TFAP2E: variants seen among roughly 807,000 people sequenced by gnomAD.
The protein encoded by TFAP2E is transcription factor AP-2 epsilon.
A neutral mutation model predicts 37.9 loss-of-function variants in TFAP2E; 30 were observed. The ratio of observed to expected loss-of-function variants is 0.79; its 90% confidence interval spans 0.59 to 1.07. TFAP2E has a LOEUF of 1.07. Ranked by LOEUF, TFAP2E falls within the 50% of genes least tolerant of loss-of-function variation. The probability of loss-of-function intolerance (pLI) is 0.00; values close to 1 mark genes in which losing one functional copy is unlikely to be tolerated. For missense variants in TFAP2E, 567 were observed against 637.9 expected (o/e 0.89, Z 1.20); for synonymous variants, 318 against 295.8 (o/e 1.08, Z -0.77).
chr1:35,595,553 T>A (rs1022679050), downstream of TFAP2E, among the ~76,000 whole-genome samples: 4 of 152,182 alleles, frequency 2.6e-5, no homozygotes, highest in Admixed American at 2.0e-4. Flanking sequence ...CCTCCCCATG[T>A]CCCCATCTCT....
At chr1:35,589,120 G>A (rs750263382) in intron 4 of TFAP2E, among the ~76,000 whole-genome samples, 6 of 151,996 alleles carry the variant, frequency 3.9e-5, no homozygotes, top group Non-Finnish European at 8.8e-5. Flanking sequence ...CCAGGAGCAT[G>A]TGTTTCCATG....
chr1:35,583,116 C>A (rs1649397113), intron 3 of TFAP2E, among the ~76,000 whole-genome samples: 1 of 151,918 alleles, frequency 6.6e-6, no homozygotes, highest in Non-Finnish European at 1.5e-5. Flanking sequence ...GGCCAAGTTG[C>A]TCTTAAACTC....
intron 3 of TFAP2E, among the ~76,000 whole-genome samples, chr1:35,576,142 C>T (rs1408494124): frequency 6.6e-6 from 1 of 152,224 alleles, no homozygotes; most frequent in Admixed American, 6.5e-5. Flanking sequence ...GCTCTATTTG[C>T]CCTCCACTTG....
intron 6 of TFAP2E, among the ~76,000 whole-genome samples, chr1:35,593,328 AAGAG>A (rs1649741269): frequency 6.6e-6 from 1 of 152,160 alleles, no homozygotes; most frequent in Non-Finnish European, 1.5e-5. Flanking sequence ...AAAAAAAGAA[AAGAG>A]AGAGATAAAT....
rs1397684894 is a variant in TFAP2E at position 35,573,948 on chromosome 1, G to C, written c.49G>C (p.Ala17Pro). The change falls in exon 2 of 7, where the codon GCA becomes CCA. Residue 17 changes from alanine (A) to proline (P), a missense_variant. Ala to Pro is a conservative substitution (Grantham distance 27, BLOSUM62 -1). Transcript: ENST00000373235. This position sits in a 1 kb window ranked among gnomAD's most constrained non-coding sequence, Gnocchi z 5.9. ...CCAGGAGCGCCCCGACGGGCTGGGA[G>C]CAGCTGCCGGCGGGGCCCGCCTGTC... ...SAMERPDGLG[A>P]AAGGARLSSL... 5 of 1,442,990 alleles carry C rather than the reference G, an allele frequency of 3.5e-6. No individual in the cohort carries two copies. The South Asian group carries it at 7.2e-5, about 21-fold the overall frequency. The allele number at this position is 1,442,990 out of a possible 1,614,324, so 89.4% of individuals were successfully genotyped here.
intron 3 of TFAP2E, among the ~76,000 whole-genome samples, chr1:35,582,243 G>T (rs1649369980): frequency 6.6e-6 from 1 of 151,946 alleles, no homozygotes; most frequent in Non-Finnish European, 1.5e-5. Context: ...TTTCCCTAAT[G>T]ACTAATAATG....
At chr1:35,578,977 G>C (rs1162200283) in intron 3 of TFAP2E, among the ~76,000 whole-genome samples, 4 of 148,418 alleles carry the variant, frequency 2.7e-5, no homozygotes, top group Non-Finnish European at 5.9e-5. Flanking sequence ...CAGCCACTCA[G>C]GAGGCTGAGG....
rs1240349866 is a variant in TFAP2E at position 35,573,588 on chromosome 1, A to G, written c.11A>G (p.His4Arg). 2.6e-6 allele frequency: 4 copies of G among 1,538,326 alleles called. No homozygotes were observed. The highest frequency in any genetic ancestry group is 2.6e-6 in the Non-Finnish European group (3 of 1,142,728). Reference protein sequence around the residue: MLVHTYSAMERPDG... With the variant: MLVRTYSAMERPDG... ...GGCACTCACCGCCCCATGCTGGTGC[A>G]CACCTACTCCGCCATGGTGAGTAGT... Residue 4 changes from histidine (H) to arginine (R), a missense_variant, in exon 1 of 7, where the codon CAC becomes CGC. This residue lies in a region of TFAP2E where 312 missense variants were observed against 317.4 expected (regional missense o/e 0.98). Transcript: ENST00000373235. The surrounding 1 kb of genome is among the most constrained non-coding windows in gnomAD (Gnocchi z 5.9).
chr1:35,584,417 G>GTT (rs1037166868), intron 3 of TFAP2E, among the ~76,000 whole-genome samples: 2 of 152,088 alleles, frequency 1.3e-5, no homozygotes, highest in Non-Finnish European at 2.9e-5. Context: ...TGGGCCCTAG[G>GTT]TTTTAATAGC....
At chr1:35,591,555 C>T (rs1443236087) in intron 6 of TFAP2E, among the ~76,000 whole-genome samples, 1 of 152,218 alleles carries the variant, frequency 6.6e-6, no homozygotes, top group African/African-American at 2.4e-5. Flanking sequence ...TCCCTGTTTC[C>T]AACCTCCCTG....
At chr1:35,591,307 C>A (rs1027742340) in intron 6 of TFAP2E, among the ~76,000 whole-genome samples, 1 of 152,168 alleles carries the variant, frequency 6.6e-6, no homozygotes, top group Admixed American at 6.5e-5. Context: ...CACAGGCTCA[C>A]GCATGGGTCC....
At chr1:35,580,804 C>T (rs1649331193) in intron 3 of TFAP2E, among the ~76,000 whole-genome samples, 1 of 151,950 alleles carries the variant, frequency 6.6e-6, no homozygotes, top group Non-Finnish European at 1.5e-5. Flanking sequence ...TCTTGGGCAC[C>T]ACCCCACATT....
intron 4 of TFAP2E, among the ~76,000 whole-genome samples, chr1:35,589,234 GTGA>G: frequency 7.1e-6 from 1 of 140,592 alleles, no homozygotes; most frequent in Non-Finnish European, 1.5e-5. Flanking sequence ...GTGTGTGTGT[GTGA>G]TTGCCTGTGC....
intron 6 of TFAP2E, among the ~76,000 whole-genome samples, chr1:35,591,756 A>G (rs936560015): frequency 6.6e-6 from 1 of 152,144 alleles, no homozygotes; most frequent in African/African-American, 2.4e-5. Context: ...GCGCAATCTC[A>G]GCTCACTGCA....
At position 35,573,425 on chromosome 1, in the gene TFAP2E, C is replaced by T. The variant is rs1309566750; in HGVS notation, c.-153C>T. 2 of 1,042,798 alleles carry T rather than the reference C, an allele frequency of 1.9e-6. No homozygotes were observed. Among genetic ancestry groups the T allele is most frequent in the East Asian group, 3.3e-5 (1 of 30,670 alleles). The allele number at this position is 1,042,798 out of a possible 1,614,324, so 64.6% of individuals were successfully genotyped here. On this transcript the variant is annotated 5_prime_UTR_variant, in exon 1 of 7. Transcript: ENST00000373235. The surrounding 1 kb of genome is among the most constrained non-coding windows in gnomAD (Gnocchi z 5.9). ...CCCGGGAACGGCCACCGCTGAGGAC[C>T]CCACGCCCACTAGGATCCCGGCTGG...
rs1649787857 is a variant in TFAP2E, at chr1:35,594,870, A to C, written c.*194A>C. On this transcript the variant is annotated 3_prime_UTR_variant, in exon 7 of 7. Coordinates refer to ENST00000373235, the MANE Select transcript of TFAP2E (RefSeq NM_178548.4). ...GCCTCTCTGTGGTGGTGTGTTGGTA[A>C]GTTAAGGGCCCAGGTATTTGTCTCA... is the stretch of plus-strand genomic sequence containing the variant. 1 of 728,036 alleles carries C rather than the reference A, an allele frequency of 1.4e-6. No homozygotes were observed. The highest frequency in any genetic ancestry group is 1.9e-5 in the South Asian group (1 of 52,162). The allele number at this position is 728,036 out of a possible 1,614,324, so 45.1% of individuals were successfully genotyped here. A position where few individuals can be genotyped will look rare whatever the true frequency, so the allele number is the denominator to read the frequency against.
intron 3 of TFAP2E, 30 bp downstream of exon 3, chr1:35,575,030 G>C (rs758391919): frequency 6.2e-7 from 1 of 1,613,520 alleles, no homozygotes; most frequent in Admixed American, 1.7e-5. Flanking sequence ...GGCAGAGCCC[G>C]GCGAGATGGT....
rs548652124 is a variant in TFAP2E, at chr1:35,585,195, C to T, written c.563-3135C>T. 3.6e-4 allele frequency among the ~76,000 whole-genome samples: 55 copies of T among 152,282 alleles called. No homozygotes were observed. The South Asian group carries it at 9.9e-3, about 28-fold the overall frequency. ...AGAGCTCACACCCTGGGAGTCACTA[C>T]ATCCCAGGAGGCACTTCACACTTGT... On this transcript the variant is annotated intron_variant, in intron 3 of 6. Transcript: ENST00000373235.
chr1:35,594,254 A>C (rs1649765206), intron 6 of TFAP2E, 140 bp from the exon 7 acceptor site: 1 of 1,082,900 alleles, frequency 9.2e-7, no homozygotes, highest in African/African-American at 1.6e-5. Context: ...TCTGTAAAAA[A>C]CAGTATGGTC....
Sources: allele counts gnomAD v4.1 joint callset (sites outside exome capture counted in the v4.1 genomes callset), GRCh38; gene constraint gnomAD v4.1.1; regional missense constraint gnomAD v4.1.1; non-coding constraint Gnocchi (gnomAD v3.1); transcripts MANE v1.5; gene names NCBI Gene and HGNC (gene_info 2026-07-23, HGNC 2026-07-21).